LIMS1: variants seen among roughly 807,000 people sequenced by gnomAD.
The protein encoded by LIMS1 is LIM and senescent cell antigen-like-containing domain protein 1.
In LIMS1, 18 loss-of-function variants were observed where a neutral mutation model predicts 44.1. That is an observed-to-expected ratio of 0.41 (90% confidence interval 0.28 to 0.61). The LOEUF (loss-of-function observed/expected upper bound fraction) is 0.61, where lower values mean the gene tolerates loss of function less well. LIMS1 is among the 20% of genes least tolerant of loss of function. The probability of loss-of-function intolerance (pLI) is 0.32; values close to 1 mark genes in which losing one functional copy is unlikely to be tolerated. For synonymous variants in LIMS1, 93 were observed against 149.1 expected (o/e 0.62, Z 2.74); for missense variants, 201 against 422.0 (o/e 0.48, Z 4.59).
chr2:108,612,258 T>C (rs2148853966), intron 1 of LIMS1, among the ~76,000 whole-genome samples: 1 of 152,080 alleles, frequency 6.6e-6, no homozygotes, highest in South Asian at 2.1e-4. Context: ...AGCAAGTGGC[T>C]GCTTGACCAG....
At chr2:108,646,890 T>A (rs1690102652) in intron 1 of LIMS1, among the ~76,000 whole-genome samples, 1 of 152,024 alleles carries the variant, frequency 6.6e-6, no homozygotes, top group African/African-American at 2.4e-5. Flanking sequence ...CCCGGCTAAT[T>A]TTTTGTATTT....
chr2:108,682,392 C>T (rs1275291483), intron 9 of LIMS1, among the ~76,000 whole-genome samples: 2 of 152,016 alleles, frequency 1.3e-5, no homozygotes, highest in African/African-American at 2.4e-5. Flanking sequence ...CCCAGATACT[C>T]GCGAGGCTGA....
chr2:108,583,733 C>T (rs758831729), intron 1 of LIMS1, among the ~76,000 whole-genome samples: 26 of 122,212 alleles, frequency 2.1e-4, no homozygotes, highest in Non-Finnish European at 3.7e-4. Context: ...GTCTTACTCT[C>T]GCTCAGGCTG....
At chr2:108,678,781 A>G (rs1435007534) in intron 8 of LIMS1, among the ~76,000 whole-genome samples, 1 of 152,234 alleles carries the variant, frequency 6.6e-6, no homozygotes, top group Non-Finnish European at 1.5e-5. Context: ...AAAGACTCCT[A>G]CAGGGGCAAA....
intron 1 of LIMS1, among the ~76,000 whole-genome samples, chr2:108,591,794 T>A (rs770910852): frequency 0.029 from 2,699 of 91,816 alleles, 41 homozygotes; most frequent in Non-Finnish European, 0.038. Context: ...TTTTAGTTTT[T>A]TTTTTTGTTT....
intron 2 of LIMS1, among the ~76,000 whole-genome samples, chr2:108,668,616 T>C (rs1264403804): frequency 3.3e-5 from 5 of 152,198 alleles, no homozygotes; most frequent in Non-Finnish European, 7.3e-5. Flanking sequence ...CATCCGCTGA[T>C]GGAAAGTTAG....
intron 1 of LIMS1, among the ~76,000 whole-genome samples, chr2:108,595,675 C>T (rs547373827): frequency 1.3e-5 from 2 of 152,122 alleles, no homozygotes; most frequent in Non-Finnish European, 2.9e-5. Context: ...ATCAGTGTAC[C>T]CCCCAGGTCC....
At chr2:108,612,001 T>C (rs917812383) in intron 1 of LIMS1, among the ~76,000 whole-genome samples, 1 of 125,198 alleles carries the variant, frequency 8.0e-6, no homozygotes, top group Non-Finnish European at 1.7e-5. Context: ...ATATTATATA[T>C]ACACACATAT....
chr2:108,565,542 C>A (rs1573337573), intron 1 of LIMS1, among the ~76,000 whole-genome samples: 2 of 152,104 alleles, frequency 1.3e-5, no homozygotes, highest in African/African-American at 4.8e-5. Flanking sequence ...GAAATCATGA[C>A]CTTTTAAACC....
chr2:108,677,829 T>G (rs1383707627), intron 7 of LIMS1, 150 bp from the exon 8 acceptor site: 7 of 1,275,122 alleles, frequency 5.5e-6, no homozygotes, highest in Non-Finnish European at 5.3e-6. Flanking sequence ...ATTACTTTCA[T>G]TGTAAGAAGT....
intron 1 of LIMS1, among the ~76,000 whole-genome samples, chr2:108,652,221 A>G (rs1690542133): frequency 6.6e-6 from 1 of 152,154 alleles, no homozygotes; most frequent in East Asian, 1.9e-4. Flanking sequence ...TATCCCAGAG[A>G]AATAAAAATA....
intron 2 of LIMS1, chr2:108,662,469 T>C: frequency 7.2e-7 from 1 of 1,381,050 alleles, no homozygotes; most frequent in South Asian, 1.4e-5. Context: ...ATGCGATGAA[T>C]ACCCAGAACT....
At chr2:108,672,513 TC>T in intron 4 of LIMS1, 68 bp downstream of exon 4, 1 of 442,008 alleles carries the variant, frequency 2.3e-6, no homozygotes, top group Non-Finnish European at 3.7e-6. Context: ...ATGTGTATTC[TC>T]CATGTGGGAT....
intron 1 of LIMS1, among the ~76,000 whole-genome samples, chr2:108,549,089 G>C (rs1204583927): frequency 6.6e-6 from 1 of 152,030 alleles, no homozygotes; most frequent in Non-Finnish European, 1.5e-5. Flanking sequence ...ATTGCATATA[G>C]TAGCCATTCA....
At chr2:108,624,496 C>T (rs1688446502) in intron 1 of LIMS1, among the ~76,000 whole-genome samples, 1 of 152,214 alleles carries the variant, frequency 6.6e-6, no homozygotes, top group Non-Finnish European at 1.5e-5. Context: ...GTGGCTGACG[C>T]CTATAATCCC....
intron 1 of LIMS1, among the ~76,000 whole-genome samples, chr2:108,570,636 C>T (rs1573347168): frequency 6.6e-6 from 1 of 152,166 alleles, no homozygotes; most frequent in African/African-American, 2.4e-5. Context: ...CTCCTGTATA[C>T]TGTGATGGCC....
At chr2:108,567,729 GCCTGGC>G (rs1379667490) in intron 1 of LIMS1, among the ~76,000 whole-genome samples, 1 of 152,116 alleles carries the variant, frequency 6.6e-6, no homozygotes, top group Non-Finnish European at 1.5e-5. Flanking sequence ...GCGTCACCAT[GCCTGGC>G]TAATTTTTGT....
intron 1 of LIMS1, among the ~76,000 whole-genome samples, chr2:108,547,111 G>A (rs1684506196): frequency 1.3e-5 from 2 of 152,222 alleles, no homozygotes; most frequent in South Asian, 4.1e-4. Flanking sequence ...GCTTTGGATT[G>A]CAAAGGTGCA....
intron 1 of LIMS1, among the ~76,000 whole-genome samples, chr2:108,643,743 A>G (rs1689870242): frequency 6.6e-6 from 1 of 152,192 alleles, no homozygotes. Flanking sequence ...ACCCCCACGG[A>G]GCCAAACAAG....
Sources: allele counts gnomAD v4.1 joint callset (sites outside exome capture counted in the v4.1 genomes callset), GRCh38; gene constraint gnomAD v4.1.1; transcripts MANE v1.5; gene names NCBI Gene and HGNC (gene_info 2026-07-23, HGNC 2026-07-21).